Variants in TRAPPC10 observed in about 807,000 individuals in gnomAD.
TRAPPC10 encodes the protein trafficking protein particle complex subunit 10, also known as TRAPP 130 kDa subunit.
Under a neutral mutation model 125.5 loss-of-function variants are expected in TRAPPC10, and 23 were observed. That is an observed-to-expected ratio of 0.18 (90% CI 0.13 to 0.26). The LOEUF (loss-of-function observed/expected upper bound fraction) is 0.26, where lower values mean the gene tolerates loss of function less well. TRAPPC10 is among the 10% of genes least tolerant of loss of function. The pLI, the probability that TRAPPC10 is intolerant of heterozygous loss-of-function variation, is 1.00. For synonymous variants in TRAPPC10, 509 were observed against 518.0 expected, an observed-to-expected ratio of 0.98 and a Z score of 0.24; for missense variants, 1,123 against 1,308.4, an observed-to-expected ratio of 0.86 and a Z score of 2.19.
At chr21:44,040,929 A>G (rs953604174) in intron 3 of TRAPPC10, among the ~76,000 whole-genome samples, 1 of 152,054 alleles carries the variant, frequency 6.6e-6, no homozygotes, top group Non-Finnish European at 1.5e-5. Context: ...ATAGTTCAAT[A>G]TTGAACTATA....
At position 44,063,903 on chromosome 21, in the gene TRAPPC10, TG is replaced by T. The variant is rs1309230350; in HGVS notation, c.1038+119del. The T allele has an allele frequency of 1.5e-6, 2 of 1,373,252 alleles. No individual in the cohort carries two copies. The highest frequency in any genetic ancestry group is 2.0e-6 in the Non-Finnish European group (2 of 1,018,438). 85.1% of individuals were successfully genotyped at this position (1,373,252 alleles called of 1,614,324 possible). On this transcript the variant is annotated intron_variant, in intron 7 of 22. Transcript: ENST00000291574. The surrounding 1 kb of genome is among the most constrained non-coding windows in gnomAD (Gnocchi z 4.4). ...TTAAGAAAGGGTTTTCTTTTCTGAA[TG>T]CCTTTAATTTTCAGTATATTGTTTG...
At chr21:44,080,533 T>C (rs2037618495) in intron 13 of TRAPPC10, among the ~76,000 whole-genome samples, 1 of 142,358 alleles carries the variant, frequency 7.0e-6, no homozygotes, top group Non-Finnish European at 1.5e-5. Flanking sequence ...CATCTCTTTT[T>C]CTTCTTCTTC....
Position 44,052,373 on chromosome 21 carries a change from A to T in TRAPPC10, c.379A>T (p.Ile127Leu). ...AHSSVDWLIV[I>L]VENDAKKKNK... ...TAGCTCTGTGGACTGGTTAATAGTG[A>T]TAGTTGAAAATGATGCCAAGAAAAA... The change falls in exon 4 of 23, where the codon ATA becomes TTA. Residue 127 changes from isoleucine (I) to leucine (L), a missense_variant. By Grantham distance (5) the Ile-to-Leu change is conservative. Coordinates refer to ENST00000291574, the MANE Select transcript of TRAPPC10 (RefSeq NM_003274.5). The T allele has an allele frequency of 7.4e-6, 12 of 1,614,106 alleles. No homozygotes were observed. The highest frequency in any genetic ancestry group is 1.0e-5 in the Non-Finnish European group (12 of 1,180,016).
chr21:44,030,548 A>T (rs1472350717), intron 1 of TRAPPC10, among the ~76,000 whole-genome samples: 1 of 151,624 alleles, frequency 6.6e-6, no homozygotes, highest in East Asian at 1.9e-4. Flanking sequence ...GCTCACTGCA[A>T]CCTCCGCCTT....
At chr21:44,074,578 ATGCATCCACTTTAG>A in intron 8 of TRAPPC10, 108 bp downstream of exon 8, 8 of 1,446,338 alleles carry the variant, frequency 5.5e-6, no homozygotes, top group Non-Finnish European at 7.6e-6. Context: ...TTAGATCACG[ATGCATCCACTTTAG>A]TGGCCCTAGA....
chr21:44,024,820 C>T (rs1031409258), intron 1 of TRAPPC10, among the ~76,000 whole-genome samples: 15 of 152,120 alleles, frequency 9.9e-5, no homozygotes, highest in African/African-American at 3.4e-4. Flanking sequence ...TATGTTCTGT[C>T]CTCTCCATGC....
chr21:44,062,704 A>G (rs1455455276), intron 6 of TRAPPC10: 1 of 985,106 alleles, frequency 1.0e-6, no homozygotes, highest in Non-Finnish European at 1.2e-6. Context: ...AGCCCTGAGG[A>G]TGCTGGTGCA....
intron 3 of TRAPPC10, among the ~76,000 whole-genome samples, chr21:44,047,532 ATGTGTG>A (rs33940679): frequency 0.015 from 2,122 of 142,914 alleles, 22 homozygotes; most frequent in Middle Eastern, 0.032. Context: ...CTGGGGGAGT[ATGTGTG>A]TGTGTGTGTG....
At position 44,080,058 on chromosome 21, in the gene TRAPPC10, A is replaced by T; in HGVS notation, c.1654A>T (p.Thr552Ser). Residue 552 changes from threonine to serine, a missense_variant, in exon 13 of 23, where the codon ACT (threonine) becomes TCT (serine). Thr to Ser is a moderately conservative substitution (Grantham distance 58). This residue lies in a region of TRAPPC10 where 840 missense variants were observed against 902.0 expected (regional missense o/e 0.93). Transcript: ENST00000291574. ...CCTCTTAGCCAGTGACCACCACCTC[A>T]CTGAAGAGGAGCGCAAGCACTTCTG... Reference protein sequence around the residue: ...SSLLASDHHLTEEERKHFCQE... With the variant: ...SSLLASDHHLSEEERKHFCQE... 1 of 1,614,076 alleles carries T rather than the reference A, an allele frequency of 6.2e-7. No individual in the cohort carries two copies. The highest frequency in any genetic ancestry group is 8.5e-7 in the Non-Finnish European group (1 of 1,180,004).
rs1219389834 is a variant in TRAPPC10, at chr21:44,012,561, G to T, written c.67+1G>T. On this transcript the variant is annotated splice_donor_variant, in intron 1 of 22. Coordinates refer to ENST00000291574, the MANE Select transcript of TRAPPC10 (RefSeq NM_003274.5). LOFTEE classifies it high-confidence loss of function. The stretch of plus-strand genomic sequence containing the variant: ...ATGGAGAACAAGCCCATCGTCACCT[G>T]TGAGTGCCCGGAGGCGGGGAGGGCG... The T allele has an allele frequency of 6.5e-7, 1 of 1,534,816 alleles. No homozygotes were observed. The highest frequency in any genetic ancestry group is 8.8e-7 in the Non-Finnish European group (1 of 1,138,760).
chr21:44,061,985 G>T (rs2036092562), intron 6 of TRAPPC10, among the ~76,000 whole-genome samples: 1 of 152,204 alleles, frequency 6.6e-6, no homozygotes, highest in Admixed American at 6.5e-5. Context: ...GTAAATAAGT[G>T]TTATTTATAA....
chr21:44,056,583 G>A (rs187521147), intron 5 of TRAPPC10, among the ~76,000 whole-genome samples: 36 of 152,314 alleles, frequency 2.4e-4, no homozygotes, highest in Non-Finnish European at 3.5e-4. Flanking sequence ...AATACTTAGC[G>A]TCTTTTCTCT....
At chr21:44,029,991 T>C (rs1277272971) in intron 1 of TRAPPC10, among the ~76,000 whole-genome samples, 1 of 152,192 alleles carries the variant, frequency 6.6e-6, no homozygotes, top group East Asian at 1.9e-4. Context: ...CTTTTGCCAC[T>C]GTTGGATGTG....
intron 1 of TRAPPC10, among the ~76,000 whole-genome samples, chr21:44,025,969 GGT>G (rs952587873): frequency 1.3e-5 from 2 of 151,936 alleles, no homozygotes; most frequent in Non-Finnish European, 2.9e-5. Context: ...CATGGCAGGG[GGT>G]GTACTGAGTA....
intron 6 of TRAPPC10, chr21:44,062,698 C>T (rs2145916827): frequency 2.0e-6 from 2 of 985,264 alleles, no homozygotes; most frequent in East Asian, 1.1e-4. Context: ...TCCAATAGCC[C>T]TGAGGATGCT....
At chr21:44,090,551 C>T (rs1236067401) in intron 18 of TRAPPC10, among the ~76,000 whole-genome samples, 2 of 152,176 alleles carry the variant, frequency 1.3e-5, no homozygotes, top group Non-Finnish European at 2.9e-5. Flanking sequence ...CGGACGTGCC[C>T]CAGTGGAAAA....
intron 4 of TRAPPC10, 78 bp from the exon 5 acceptor site, chr21:44,055,620 T>A: frequency 2.6e-6 from 3 of 1,140,024 alleles, no homozygotes; most frequent in African/African-American, 1.6e-5. Context: ...AAATTGCCGC[T>A]CAGGACAATG....
At chr21:44,047,565 T>TGTGTGTGTGTGTGTGTGTGTGTGC (rs954810521) in intron 3 of TRAPPC10, among the ~76,000 whole-genome samples, 241 of 147,166 alleles carry the variant, frequency 1.6e-3, no homozygotes, top group African/African-American at 4.9e-3. Context: ...TGTGTGTGTG[T>TGTGTGTGTGTGTGTGTGTGTGTGC]GCGCGCACAC....
chr21:44,052,843 A>G (rs781331385), intron 4 of TRAPPC10, among the ~76,000 whole-genome samples: 1 of 151,098 alleles, frequency 6.6e-6, no homozygotes, highest in Non-Finnish European at 1.5e-5. Context: ...TCTTTACCTT[A>G]ACACCTGAGA....
Sources: allele counts gnomAD v4.1 joint callset (sites outside exome capture counted in the v4.1 genomes callset), GRCh38; gene constraint gnomAD v4.1.1; regional missense constraint gnomAD v4.1.1; non-coding constraint Gnocchi (gnomAD v3.1); transcripts MANE v1.5; gene names NCBI Gene and HGNC (gene_info 2026-07-23, HGNC 2026-07-21).